Variants in EYS observed in about 807,000 individuals in gnomAD.
EYS encodes the protein protein eyes shut homolog.
In EYS, 250 loss-of-function variants were observed where a neutral mutation model predicts 282.1. That is an observed-to-expected ratio of 0.89 (90% CI 0.80 to 0.98). The LOEUF (loss-of-function observed/expected upper bound fraction) is 0.98. Ranked by LOEUF, EYS falls within the 50% of genes least tolerant of loss-of-function variation. The pLI, the probability that EYS is intolerant of heterozygous loss-of-function variation, is 0.00. For missense variants in EYS, 4,016 were observed against 3,709.0 expected (o/e 1.08, Z -2.15); for synonymous variants, 1,355 against 1,282.9 (o/e 1.06, Z -1.20).
chr6:64,094,650 C>G (rs955216988), intron 31 of EYS, among the ~76,000 whole-genome samples: 10 of 151,938 alleles, frequency 6.6e-5, no homozygotes, highest in Non-Finnish European at 1.3e-4. Context: ...TCTCTATTTT[C>G]TTCTGTATTA....
intron 19 of EYS, among the ~76,000 whole-genome samples, chr6:64,850,808 T>C (rs1765860028): frequency 6.6e-6 from 1 of 152,096 alleles, no homozygotes. Context: ...ACCGATCAGA[T>C]AGAATATTAG....
At chr6:65,165,217 T>C (rs965421219) in intron 12 of EYS, among the ~76,000 whole-genome samples, 2 of 151,222 alleles carry the variant, frequency 1.3e-5, no homozygotes, top group Non-Finnish European at 3.0e-5. Flanking sequence ...TTTGTAAATG[T>C]TTATCTATAT....
chr6:65,022,581 A>T (rs750854139), intron 13 of EYS, among the ~76,000 whole-genome samples: 16 of 152,048 alleles, frequency 1.1e-4, no homozygotes. Flanking sequence ...ATAAACTCTC[A>T]TAAGACAGTT....
At chr6:64,235,913 A>G (rs554630451) in intron 30 of EYS, among the ~76,000 whole-genome samples, 7 of 152,354 alleles carry the variant, frequency 4.6e-5, no homozygotes, top group Middle Eastern at 3.4e-3. Flanking sequence ...AACTGGTACC[A>G]TTCCTTCTGA....
intron 31 of EYS, among the ~76,000 whole-genome samples, chr6:64,197,059 A>C (rs1284833963): frequency 2.0e-5 from 3 of 152,056 alleles, no homozygotes; most frequent in Non-Finnish European, 4.4e-5. Context: ...GTAATTTCCA[A>C]AGATAATATA....
chr6:64,500,377 G>C (rs1298814127), intron 26 of EYS, among the ~76,000 whole-genome samples: 1 of 152,014 alleles, frequency 6.6e-6, no homozygotes, highest in African/African-American at 2.4e-5. Context: ...TCTTAGACAA[G>C]TTCCTAGGAA....
At chr6:65,084,064 C>A (rs192196705) in intron 12 of EYS, among the ~76,000 whole-genome samples, 55 of 151,972 alleles carry the variant, frequency 3.6e-4, no homozygotes, top group African/African-American at 1.2e-3. Flanking sequence ...CAGTCAGTAT[C>A]TCATGATTAA....
intron 26 of EYS, among the ~76,000 whole-genome samples, chr6:64,549,081 A>G (rs1764979998): frequency 6.6e-6 from 1 of 152,186 alleles, no homozygotes; most frequent in East Asian, 1.9e-4. Flanking sequence ...TCTTCTGACT[A>G]AGTACTAGGT....
At chr6:65,516,266 G>T (rs1767131046) in intron 2 of EYS, among the ~76,000 whole-genome samples, 1 of 151,988 alleles carries the variant, frequency 6.6e-6, no homozygotes. Context: ...ATACTTGCAT[G>T]TTCTATATGT....
intron 19 of EYS, among the ~76,000 whole-genome samples, chr6:64,874,508 C>A (rs1766685721): frequency 6.6e-6 from 1 of 151,982 alleles, no homozygotes; most frequent in Admixed American, 6.6e-5. Flanking sequence ...TTTTTAAACT[C>A]ATTATTTTAG....
intron 28 of EYS, among the ~76,000 whole-genome samples, chr6:64,404,949 G>A (rs1249647482): frequency 1.3e-5 from 2 of 152,008 alleles, no homozygotes; most frequent in Admixed American, 6.6e-5. Flanking sequence ...AAAAGTCAAG[G>A]CCACTTAACT....
chr6:63,797,549 A>G (rs1172125361), intron 37 of EYS: 1 of 152,188 alleles, frequency 6.6e-6, no homozygotes, highest in Non-Finnish European at 1.5e-5. Context: ...TTTTTATCTT[A>G]GACCTGTATA....
At chr6:64,344,566 T>G (rs1406793731) in intron 29 of EYS, among the ~76,000 whole-genome samples, 1 of 152,122 alleles carries the variant, frequency 6.6e-6, no homozygotes, top group African/African-American at 2.4e-5. Context: ...ATAAGAGCTA[T>G]CTATGACAAA....
intron 2 of EYS, among the ~76,000 whole-genome samples, chr6:65,537,491 C>T (rs893492677): frequency 9.9e-5 from 15 of 151,478 alleles, no homozygotes; most frequent in African/African-American, 3.6e-4. Context: ...GTATACATAA[C>T]ACACTTGTTA....
chr6:63,977,149 T>G (rs1766875618), intron 35 of EYS, among the ~76,000 whole-genome samples: 1 of 151,804 alleles, frequency 6.6e-6, no homozygotes, highest in Non-Finnish European at 1.5e-5. Flanking sequence ...TGCAGTAATC[T>G]ATATATAATA....
intron 12 of EYS, among the ~76,000 whole-genome samples, chr6:65,135,858 T>A (rs1776010571): frequency 6.6e-6 from 1 of 152,044 alleles, no homozygotes. Flanking sequence ...GTCCTGTATG[T>A]CTCAGTTACT....
intron 1 of EYS, among the ~76,000 whole-genome samples, chr6:65,676,909 C>T (rs920836588): frequency 1.3e-5 from 2 of 151,324 alleles, no homozygotes; most frequent in Non-Finnish European, 3.0e-5. Flanking sequence ...ATAGGAAAAT[C>T]TATCCATATG....
intron 41 of EYS, among the ~76,000 whole-genome samples, chr6:63,759,768 G>A (rs947564297): frequency 2.0e-5 from 3 of 152,042 alleles, no homozygotes; most frequent in Non-Finnish European, 4.4e-5. Context: ...TTTGAAAACA[G>A]GAAAACACAG....
rs551362002 is a variant in EYS, at chr6:64,985,825, A to T, written c.2259+11757T>A. Among the ~76,000 whole-genome samples the T allele has an allele frequency of 4.6e-5, 7 of 151,572 alleles. No individual in the cohort carries two copies. In the East Asian group the frequency reaches 1.4e-3, roughly 30 times the overall value. On this transcript the variant is annotated intron_variant, in intron 14 of 42. Coordinates refer to ENST00000503581, the MANE Select transcript of EYS (RefSeq NM_001142800.2). ...AAAGTGTAGAGTAAGTATGTTTAAAAGAGGGTTCAGAAGATTTGTATAAAA... is the reference window on the plus strand; with the variant it reads ...AAAGTGTAGAGTAAGTATGTTTAAATGAGGGTTCAGAAGATTTGTATAAAA...
Sources: allele counts gnomAD v4.1 joint callset (sites outside exome capture counted in the v4.1 genomes callset), GRCh38; gene constraint gnomAD v4.1.1; transcripts MANE v1.5; gene names NCBI Gene and HGNC (gene_info 2026-07-23, HGNC 2026-07-21).